The following NIPAL2 variants were observed in gnomAD, a reference collection of about 807,000 sequenced individuals.
The protein encoded by NIPAL2 is NIPA-like protein 2.
NIPAL2 carries 43 observed loss-of-function variants against 48.9 expected under a neutral mutation model. That is an observed-to-expected ratio of 0.88 (90% CI 0.69 to 1.13). The LOEUF (loss-of-function observed/expected upper bound fraction) is 1.13, where lower values mean the gene tolerates loss of function less well. NIPAL2 is among the 50% of genes most tolerant of loss of function. NIPAL2 has a pLI of 0.00. For synonymous variants in NIPAL2, 167 were observed against 174.6 expected (o/e 0.96, Z 0.34); for missense variants, 446 against 461.4 (o/e 0.97, Z 0.31).
At chr8:98,204,756 A>G (rs546885976) in intron 7 of NIPAL2, among the ~76,000 whole-genome samples, 33 of 152,074 alleles carry the variant, frequency 2.2e-4, no homozygotes, top group African/African-American at 7.5e-4. Context: ...TGTGTCCTAT[A>G]TTTAGAATGA....
At chr8:98,262,308 G>C (rs1484739296) in intron 1 of NIPAL2, among the ~76,000 whole-genome samples, 1 of 150,678 alleles carries the variant, frequency 6.6e-6, no homozygotes, top group East Asian at 2.0e-4. Flanking sequence ...TGGACTAAAT[G>C]CTCCAATTAA....
At chr8:98,193,509 A>T in intron 10 of NIPAL2, 1 of 1,219,416 alleles carries the variant, frequency 8.2e-7, no homozygotes. Context: ...GAGCTTTGTG[A>T]AATAAAAAAT....
At chr8:98,242,962 A>G (rs1357454861) in intron 3 of NIPAL2, among the ~76,000 whole-genome samples, 1 of 152,214 alleles carries the variant, frequency 6.6e-6, no homozygotes, top group Non-Finnish European at 1.5e-5. Context: ...TTAAAAAATA[A>G]AAAAGTTTGA....
chr8:98,214,111 G>A, intron 5 of NIPAL2, among the ~76,000 whole-genome samples: 1 of 151,592 alleles, frequency 6.6e-6, no homozygotes, highest in Non-Finnish European at 1.5e-5. Flanking sequence ...AAATTTTCCT[G>A]TCCTTAAGAA....
chr8:98,226,499 T>C (rs771714663), intron 4 of NIPAL2, among the ~76,000 whole-genome samples: 3 of 152,202 alleles, frequency 2.0e-5, no homozygotes, highest in Non-Finnish European at 4.4e-5. Flanking sequence ...ACTATGTTGG[T>C]GGTCTTGGAT....
intron 1 of NIPAL2, among the ~76,000 whole-genome samples, chr8:98,281,644 T>TA (rs1815835920): frequency 6.6e-6 from 1 of 152,142 alleles, no homozygotes; most frequent in Non-Finnish European, 1.5e-5. Flanking sequence ...AATTAAAAAT[T>TA]AAAAAATTTT....
At chr8:98,288,459 G>A (rs1816313454) in intron 1 of NIPAL2, among the ~76,000 whole-genome samples, 2 of 151,728 alleles carry the variant, frequency 1.3e-5, no homozygotes, top group South Asian at 2.1e-4. Context: ...ATTTGGGTTG[G>A]TTCCAAGTCT....
At chr8:98,248,128 G>A (rs186685097) in intron 3 of NIPAL2, among the ~76,000 whole-genome samples, 3 of 152,278 alleles carry the variant, frequency 2.0e-5, no homozygotes, top group East Asian at 3.9e-4. Flanking sequence ...ATTTTCCACC[G>A]TGTTTTGGTA....
intron 4 of NIPAL2, among the ~76,000 whole-genome samples, chr8:98,232,874 G>T (rs530591038): frequency 2.0e-5 from 3 of 152,286 alleles, no homozygotes; most frequent in East Asian, 3.9e-4. Flanking sequence ...TAAATGGATT[G>T]TTCCTACATT....
intron 7 of NIPAL2, among the ~76,000 whole-genome samples, chr8:98,204,248 A>G (rs1810929969): frequency 6.6e-6 from 1 of 152,212 alleles, no homozygotes; most frequent in Admixed American, 6.5e-5. Context: ...GAGATGACAA[A>G]CCAGTGACAA....
At chr8:98,263,426 A>T (rs1417225371) in intron 1 of NIPAL2, among the ~76,000 whole-genome samples, 3 of 150,762 alleles carry the variant, frequency 2.0e-5, no homozygotes, top group African/African-American at 4.9e-5. Flanking sequence ...AATAGATGCA[A>T]TAAAAAATGA....
At chr8:98,283,309 T>C (rs764345258) in intron 1 of NIPAL2, among the ~76,000 whole-genome samples, 3 of 152,174 alleles carry the variant, frequency 2.0e-5, no homozygotes, top group Non-Finnish European at 4.4e-5. Context: ...GAAAAAGCAA[T>C]ACATTTAATA....
At chr8:98,205,055 G>T in intron 7 of NIPAL2, 56 bp downstream of exon 7, 2 of 1,572,554 alleles carry the variant, frequency 1.3e-6, no homozygotes, top group Non-Finnish European at 1.7e-6. Context: ...AAAGATTAAT[G>T]CCCAGAGAAG....
chr8:98,224,061 T>C (rs956102276), intron 4 of NIPAL2, among the ~76,000 whole-genome samples: 1 of 152,214 alleles, frequency 6.6e-6, no homozygotes, highest in African/African-American at 2.4e-5. Flanking sequence ...GAAATCCAGA[T>C]TTCTAGTTAT....
intron 5 of NIPAL2, chr8:98,216,987 A>G (rs998937577): frequency 1.4e-5 from 12 of 867,764 alleles, no homozygotes; most frequent in Non-Finnish European, 1.5e-5. Context: ...TAACATGCTA[A>G]CAGAGATGAT....
At chr8:98,227,990 A>G (rs1162233216) in intron 4 of NIPAL2, among the ~76,000 whole-genome samples, 1 of 152,206 alleles carries the variant, frequency 6.6e-6, no homozygotes, top group East Asian at 1.9e-4. Context: ...CTCTGTGGCC[A>G]TCAGCTGAGC....
chr8:98,209,153 T>C (rs1811184182), intron 6 of NIPAL2, among the ~76,000 whole-genome samples: 1 of 152,214 alleles, frequency 6.6e-6, no homozygotes, highest in Non-Finnish European at 1.5e-5. Flanking sequence ...AAATGTTTAC[T>C]GTGTGATTAC....
At chr8:98,293,135 G>A (rs7461545) in intron 1 of NIPAL2, among the ~76,000 whole-genome samples, 16,586 of 152,184 alleles carry the variant, frequency 0.11, 1,336 homozygotes, top group African/African-American at 0.23. Context: ...TCCGATTTAG[G>A]ACAACAGCAA....
At chr8:98,254,244 A>C (rs1372474117) in intron 1 of NIPAL2, among the ~76,000 whole-genome samples, 157 bp from the exon 2 acceptor site, 2 of 152,202 alleles carry the variant, frequency 1.3e-5, no homozygotes, top group African/African-American at 4.8e-5. Flanking sequence ...ATTTAATTAG[A>C]ATTAGTTTTT....
Sources: allele counts gnomAD v4.1 joint callset (sites outside exome capture counted in the v4.1 genomes callset), GRCh38; gene constraint gnomAD v4.1.1; transcripts MANE v1.5; gene names NCBI Gene and HGNC (gene_info 2026-07-23, HGNC 2026-07-21).